The following CYP11A1 variants were observed in gnomAD, a reference collection of about 807,000 sequenced individuals.
CYP11A1 encodes the protein cytochrome P450 family 11 subfamily A member 1.
A neutral mutation model predicts 51.9 loss-of-function variants in CYP11A1; 25 were observed. That is an observed-to-expected ratio of 0.48 (90% CI 0.35 to 0.67). The LOEUF (loss-of-function observed/expected upper bound fraction) is 0.67. Among genes scored for constraint, CYP11A1 ranks in the 30% least tolerant of loss-of-function variants. CYP11A1 has a pLI of 0.00. For missense variants in CYP11A1, 578 were observed against 680.9 expected, an observed-to-expected ratio of 0.85 and a Z score of 1.68; for synonymous variants, 245 against 262.1, an observed-to-expected ratio of 0.93 and a Z score of 0.63.
At chr15:74,340,455 C>T (rs553961088) in intron 5 of CYP11A1, among the ~76,000 whole-genome samples, 4 of 152,180 alleles carry the variant, frequency 2.6e-5, no homozygotes, top group Non-Finnish European at 5.9e-5. Context: ...GAGCAGCCCT[C>T]CCTCCTGGGG....
chr15:74,346,777 G>A (rs928117686), intron 2 of CYP11A1, among the ~76,000 whole-genome samples: 1 of 151,374 alleles, frequency 6.6e-6, no homozygotes, highest in Non-Finnish European at 1.5e-5. Flanking sequence ...CACTTGATAT[G>A]GTTACGTTTT....
At chr15:74,343,503 C>T (rs1033429885) in intron 4 of CYP11A1, among the ~76,000 whole-genome samples, 8 of 152,344 alleles carry the variant, frequency 5.3e-5, no homozygotes, top group Admixed American at 1.3e-4. Flanking sequence ...CCAGCACAGC[C>T]GTGGCTCAGA....
chr15:74,366,861 G>A (rs1213504086), intron 1 of CYP11A1: 3 of 174,760 alleles, frequency 1.7e-5, no homozygotes, highest in South Asian at 1.3e-4. Flanking sequence ...GATTACAGGC[G>A]CCTGCCACCA....
rs4887138 is a variant in CYP11A1 at position 74,366,959 on chromosome 15, G to A, written c.269+358C>T. 1.4e-3 allele frequency: 405 copies of A among 289,456 alleles called. 2 individuals carry two copies. Among genetic ancestry groups the A allele is most frequent in the Non-Finnish European group, 1.9e-3 (288 of 150,484 alleles). 17.9% of individuals were successfully genotyped at this position (289,456 alleles called of 1,614,324 possible). A position where few individuals can be genotyped will look rare whatever the true frequency, so the allele number is the denominator to read the frequency against. ...TCGAACTCTTGATCTCAAGTGATCC[G>A]CCCACCTCGGCCTCCCAAAGTGCTG... On this transcript the variant is annotated intron_variant, in intron 1 of 8. Transcript: ENST00000268053.
intron 1 of CYP11A1, among the ~76,000 whole-genome samples, chr15:74,349,346 G>A (rs142675266): frequency 6.8e-4 from 103 of 152,296 alleles, no homozygotes; most frequent in African/African-American, 2.4e-3. Context: ...AGGCAAAATA[G>A]CATAAAAACA....
rs1035673972 is a variant in CYP11A1 at position 74,342,880 on chromosome 15, G to A, written c.990+97C>T. ...AGACATATCCTACATGAGTAGGAACGCCTTGAACAACAGGGTTTCAGACAA... is the reference window on the plus strand; with the variant it reads ...AGACATATCCTACATGAGTAGGAACACCTTGAACAACAGGGTTTCAGACAA... On this transcript the variant is annotated intron_variant, in intron 5 of 8. Coordinates refer to ENST00000268053, the MANE Select transcript of CYP11A1 (RefSeq NM_000781.3). 19 of 1,263,306 alleles carry A rather than the reference G, an allele frequency of 1.5e-5. No homozygotes were observed. In the East Asian group the frequency reaches 3.7e-4, roughly 25 times the overall value. 78.3% of individuals were successfully genotyped at this position (1,263,306 alleles called of 1,614,324 possible).
chr15:74,349,886 G>A (rs2060648025), intron 1 of CYP11A1, among the ~76,000 whole-genome samples: 1 of 152,094 alleles, frequency 6.6e-6, no homozygotes, highest in African/African-American at 2.4e-5. Context: ...AGGAATTCAA[G>A]GCTACAGTGA....
intron 1 of CYP11A1, among the ~76,000 whole-genome samples, chr15:74,352,759 G>C (rs1299566464): frequency 6.6e-6 from 1 of 152,214 alleles, no homozygotes; most frequent in Admixed American, 6.5e-5. Flanking sequence ...CTTGCCTTGA[G>C]TTGTCCCACC....
intron 2 of CYP11A1, among the ~76,000 whole-genome samples, chr15:74,346,352 C>CAAAAAAAAAAAAA (rs1231496852): frequency 1.2e-5 from 1 of 84,070 alleles, no homozygotes; most frequent in Non-Finnish European, 2.2e-5. Context: ...GACTCTGCCT[C>CAAAAAAAAAAAAA]AAAAAAAAAA....
At position 74,338,091 on chromosome 15, in the gene CYP11A1, A is replaced by T; in HGVS notation, c.1447T>A (p.Phe483Ile). The change falls in exon 9 of 9, where the codon TTC (phenylalanine) becomes ATC (isoleucine). Residue 483 changes from phenylalanine (F) to isoleucine (I), a missense_variant. Transcript: ENST00000268053. ...TIFLINMLEN[F>I]RVEIQHLSDV... ...CTGAGGTGTTGGATTTCAACTCTGA[A>T]GTTCTCCAGCATCTGAGAAAGGCAG... 1 of 1,614,160 alleles carries T rather than the reference A, an allele frequency of 6.2e-7. No individual in the cohort carries two copies. Among genetic ancestry groups the T allele is most frequent in the Non-Finnish European group, 8.5e-7 (1 of 1,180,010 alleles).
intron 1 of CYP11A1, among the ~76,000 whole-genome samples, chr15:74,355,070 T>TG (rs1277027089): frequency 1.3e-5 from 2 of 151,998 alleles, no homozygotes; most frequent in African/African-American, 2.4e-5. Flanking sequence ...TCCACTTTCC[T>TG]GGGGGGCAGG....
chr15:74,363,602 T>A (rs975063483), intron 1 of CYP11A1: 1 of 152,232 alleles, frequency 6.6e-6, no homozygotes, highest in African/African-American at 2.4e-5. Context: ...ATCCTCCTAA[T>A]AGCCATAATA....
intron 1 of CYP11A1, among the ~76,000 whole-genome samples, chr15:74,360,268 C>T (rs1243753626): frequency 6.6e-6 from 1 of 151,986 alleles, no homozygotes; most frequent in Non-Finnish European, 1.5e-5. Context: ...TTTATCAGAA[C>T]TTACCAGTTT....
Position 74,343,152 on chromosome 15 carries a change from G to T in CYP11A1, c.830-15C>A, listed in dbSNP as rs1392396216. On this transcript the variant is annotated splice_polypyrimidine_tract_variant and intron_variant, in intron 4 of 8. Transcript: ENST00000268053. The stretch of plus-strand genomic sequence containing the variant: ...GTATATGTCAGCTGTGGGGAAGGAG[G>T]AAAGAAAAAAGAGTGAGGTTCCCTG... The T allele has an allele frequency of 6.2e-7, 1 of 1,613,152 alleles. No homozygotes were observed. Among genetic ancestry groups the T allele is most frequent in the African/African-American group, 1.3e-5 (1 of 74,888 alleles).
chr15:74,340,366 T>C (rs1158918403), intron 5 of CYP11A1, among the ~76,000 whole-genome samples: 5 of 152,168 alleles, frequency 3.3e-5, no homozygotes. Context: ...TCGCCAGAGA[T>C]CTGAGTGACC....
rs2060628646 is a variant in CYP11A1, at chr15:74,345,416, C to T, written c.426-173G>A. On this transcript the variant is annotated intron_variant, in intron 2 of 8. Transcript: ENST00000268053. This position sits in a 1 kb window ranked among gnomAD's most constrained non-coding sequence, Gnocchi z 4.3. ...AGCACCCTCTGCCTCTCACCTCCTC[C>T]CTGCTCTGCCTGGCTGGGAGAAGAG... The T allele has an allele frequency of 6.1e-6, 4 of 658,472 alleles. No homozygotes were observed. Among genetic ancestry groups the T allele is most frequent in the South Asian group, 3.6e-5 (2 of 55,234 alleles). The allele number at this position is 658,472 out of a possible 1,614,324, so 40.8% of individuals were successfully genotyped here.
rs554121824 is a variant in CYP11A1 at position 74,367,521 on chromosome 15, G to T, written c.65C>A (p.Ala22Asp). Residue 22 changes from alanine (A) to aspartate (D), a missense_variant, in exon 1 of 9, where the codon GCC becomes GAC. Coordinates refer to ENST00000268053, the MANE Select transcript of CYP11A1 (RefSeq NM_000781.3). Reference sequence around the variant, plus strand: ...GAGACGCCCCAGCCCCTCCCTGGGGGCACTCAGAAAGGTCTGGCAGCCTTT... The same window carrying T: ...GAGACGCCCCAGCCCCTCCCTGGGGTCACTCAGAAAGGTCTGGCAGCCTTT... ...LVKGCQTFLS[A>D]PREGLGRLRV... 1.2e-6 allele frequency: 2 copies of T among 1,614,022 alleles called. No individual in the cohort carries two copies. The highest frequency in any genetic ancestry group is 2.2e-5 in the South Asian group (2 of 91,080).
At position 74,339,745 on chromosome 15, in the gene CYP11A1, C is replaced by A. The variant is rs111361716; in HGVS notation, c.999G>T (p.Met333Ile). The change falls in exon 6 of 9, where the codon ATG becomes ATT. Residue 333 changes from methionine (M) to isoleucine (I), a missense_variant. Transcript: ENST00000268053. ...MLAGGVDTTS[M>I]TLQWHLYEMA... ...TCTCATACAAGTGCCACTGCAGGGT[C>A]ATGGACGTCTGGTGGGGAGTAGGGT... The A allele has an allele frequency of 6.2e-7, 1 of 1,614,166 alleles. No individual in the cohort carries two copies. Among genetic ancestry groups the A allele is most frequent in the Admixed American group, 1.7e-5 (1 of 60,026 alleles).
intron 1 of CYP11A1, among the ~76,000 whole-genome samples, chr15:74,359,793 A>G (rs1786815712): frequency 6.6e-6 from 1 of 152,214 alleles, no homozygotes; most frequent in African/African-American, 2.4e-5. Flanking sequence ...GAAAGAGAGA[A>G]CCCTGAAATC....
Sources: gnomAD v4.1 joint callset for allele counts (sites outside exome capture counted in the v4.1 genomes callset) on GRCh38, gnomAD v4.1.1 for gene constraint, Gnocchi (gnomAD v3.1) non-coding constraint, MANE v1.5 for transcripts, NCBI Gene and HGNC (gene_info 2026-07-23, HGNC 2026-07-21) for gene names.